WDR83: variants seen among roughly 807,000 people sequenced by gnomAD.
WDR83 encodes the protein WD repeat domain 83, also known as WD repeat domain-containing protein 83.
In WDR83, 37 loss-of-function variants were observed where a neutral mutation model predicts 37.7. The observed-to-expected ratio is 0.98, with a 90% CI of 0.76 to 1.29. The LOEUF is 1.29. Ranked by LOEUF, WDR83 falls within the 50% of genes most tolerant of loss-of-function variation. The pLI, the probability that WDR83 is intolerant of heterozygous loss-of-function variation, is 0.00. For missense variants in WDR83, 445 were observed against 414.4 expected (o/e 1.07, Z -0.64); for synonymous variants, 174 against 181.1 (o/e 0.96, Z 0.31).
chr19:12,674,187 AG>A (rs2024503639), intron 10 of WDR83, among the ~76,000 whole-genome samples: 1 of 152,212 alleles, frequency 6.6e-6, no homozygotes, highest in Non-Finnish European at 1.5e-5. Context: ...CCCCTGGGCA[AG>A]GGGGAGCCGA....
In WDR83 at chr19:12,669,965, G is replaced by C. The variant is rs780562058; in HGVS notation, c.104-12G>C. ...ATCGACGGCCCAGTAACCCCCGCCT[G>C]GTGTTCCCCAGTGGATGGCAATTAC... On this transcript the variant is annotated splice_polypyrimidine_tract_variant and intron_variant, in intron 3 of 10. Transcript: ENST00000418543. 5.7e-5 allele frequency: 92 copies of C among 1,606,492 alleles called. 1 individual carries two copies. Among genetic ancestry groups the C allele is most frequent in the Non-Finnish European group, 1.6e-5 (19 of 1,174,054 alleles).
Position 12,675,636 on chromosome 19 carries a change from A to T in WDR83, c.912A>T (p.Arg304=). 6.2e-7 allele frequency: 1 copy of T among 1,602,288 alleles called. No individual in the cohort carries two copies. The highest frequency in any genetic ancestry group is 1.1e-5 in the South Asian group (1 of 91,014). The part of the protein sequence containing the change: ...TAMGGSVQCW[R]EEAYEAEDGA... ...TGGGAGGCAGCGTCCAGTGCTGGCG[A>T]GAGGAGGCCTATGAGGCAGAGGATG... Residue 304 remains arginine (R), a synonymous_variant, in exon 11 of 11, where the codon CGA becomes CGT. Transcript: ENST00000418543.
intron 1 of WDR83, chr19:12,668,101 T>C: frequency 2.4e-6 from 1 of 416,182 alleles, no homozygotes; most frequent in Non-Finnish European, 4.4e-6. Flanking sequence ...TAACAACAGG[T>C]TTCAACGAGA....
In WDR83 at chr19:12,668,243, C is replaced by T. The variant is rs527275748; in HGVS notation, c.-156-265C>T. ...GTTCCCTCTATCCAGCTGGGGGCAC[C>T]GAGACGGCCTCATTCAGGGAAGTCC... On this transcript the variant is annotated intron_variant, in intron 1 of 10. Transcript: ENST00000418543. 44 of 1,107,378 alleles carry T rather than the reference C, an allele frequency of 4.0e-5. No individual in the cohort carries two copies. The East Asian group carries it at 1.1e-3, about 27-fold the overall frequency. 68.6% of individuals were successfully genotyped at this position (1,107,378 alleles called of 1,614,324 possible).
intron 10 of WDR83, among the ~76,000 whole-genome samples, 168 bp from the exon 11 acceptor site, chr19:12,675,355 G>A (rs548849841): frequency 6.3e-4 from 96 of 152,334 alleles, no homozygotes; most frequent in East Asian, 1.7e-3. Context: ...TCAGTCTGAG[G>A]TAGATTAATT....
At position 12,669,749 on chromosome 19, in the gene WDR83, G is replaced by A. The variant is rs368950634; in HGVS notation, c.-36-6G>A. Reference sequence around the variant, plus strand: ...GGGTTTCTAAGGCGCGGAATTTTCCGTACAGACCGATTTAAGGCTGCAAGG... The same window carrying A: ...GGGTTTCTAAGGCGCGGAATTTTCCATACAGACCGATTTAAGGCTGCAAGG... On this transcript the variant is annotated splice_polypyrimidine_tract_variant and splice_region_variant and intron_variant, in intron 2 of 10. Coordinates refer to ENST00000418543, the MANE Select transcript of WDR83 (RefSeq NM_001099737.3). 9 of 1,542,590 alleles carry A rather than the reference G, an allele frequency of 5.8e-6. No homozygotes were observed. Among genetic ancestry groups the A allele is most frequent in the Non-Finnish European group, 7.0e-6 (8 of 1,144,216 alleles).
intron 10 of WDR83, among the ~76,000 whole-genome samples, chr19:12,674,823 A>G (rs2145331159): frequency 6.6e-6 from 1 of 152,300 alleles, no homozygotes; most frequent in East Asian, 1.9e-4. Context: ...TGGTACAAGA[A>G]AAAGACTCCC....
At chr19:12,669,640 C>A in intron 2 of WDR83, 115 bp from the exon 3 acceptor site, 2 of 974,046 alleles carry the variant, frequency 2.1e-6, no homozygotes, top group South Asian at 3.4e-5. Flanking sequence ...CCAACCCGAT[C>A]ACCGAAATGC....
chr19:12,673,751 T>A (rs913614125), intron 10 of WDR83, among the ~76,000 whole-genome samples: 1 of 151,274 alleles, frequency 6.6e-6, no homozygotes, highest in African/African-American at 2.4e-5. Context: ...CCCAGGCAAA[T>A]GCAGTGGCGC....
At chr19:12,673,929 AC>A (rs1282064561) in intron 10 of WDR83, among the ~76,000 whole-genome samples, 1 of 151,984 alleles carries the variant, frequency 6.6e-6, no homozygotes, top group Non-Finnish European at 1.5e-5. Flanking sequence ...CAAACTCCTG[AC>A]CTCAAGTGAT....
At chr19:12,670,963 G>A (rs2024397736) in intron 7 of WDR83, 142 bp downstream of exon 7, 1 of 1,297,898 alleles carries the variant, frequency 7.7e-7, no homozygotes, top group Admixed American at 2.4e-5. Flanking sequence ...GAAGTGGAAG[G>A]ATCACTTGAG....
At position 12,675,530 on chromosome 19, in the gene WDR83, T is replaced by C. The variant is rs1201261567; in HGVS notation, c.806T>C (p.Leu269Pro). The stretch of plus-strand genomic sequence containing the variant: ...CTACCCCTCGCTCCACAGGGTGCGC[T>C]GGCTCTGGCCCTGCCTGTGGGTTCC... ...VFFWDLVEGA[L>P]ALALPVGSGV... The change falls in exon 11 of 11, where the codon CTG (leucine) becomes CCG (proline). Residue 269 changes from leucine (L) to proline (P), a missense_variant. By Grantham distance (98) the Leu-to-Pro change is moderately conservative (BLOSUM62 -3). Transcript: ENST00000418543. 2.5e-6 allele frequency: 4 copies of C among 1,604,654 alleles called. No homozygotes were observed. Among genetic ancestry groups the C allele is most frequent in the Non-Finnish European group, 3.4e-6 (4 of 1,179,936 alleles).
chr19:12,673,606 CAG>C (rs775002031), intron 10 of WDR83, among the ~76,000 whole-genome samples: 42 of 151,948 alleles, frequency 2.8e-4, no homozygotes, highest in Non-Finnish European at 5.9e-4. Flanking sequence ...TTAGTAGAGA[CAG>C]GGTTTCACTA....
rs776385475 is a variant in WDR83, at chr19:12,670,104, C to T, written c.224+7C>T. 1.9e-6 allele frequency: 3 copies of T among 1,609,472 alleles called. No homozygotes were observed. Among genetic ancestry groups the T allele is most frequent in the Admixed American group, 1.7e-5 (1 of 59,918 alleles). On this transcript the variant is annotated splice_region_variant and intron_variant, in intron 4 of 10. Coordinates refer to ENST00000418543, the MANE Select transcript of WDR83 (RefSeq NM_001099737.3). ...AGGTGCTGGATGCGGCCGGGTGAGCCGGGGACCAGGCTGGGATGGGAGCGC... is the reference window on the plus strand; with the variant it reads ...AGGTGCTGGATGCGGCCGGGTGAGCTGGGGACCAGGCTGGGATGGGAGCGC...
chr19:12,670,734 C>T lies in WDR83; in HGVS notation c.419C>T (p.Ser140Leu), dbSNP rs2024391058. Residue 140 changes from serine (S) to leucine (L), a missense_variant, in exon 7 of 11, where the codon TCA becomes TTA. Physicochemically the swap from Ser to Leu is moderately radical, Grantham distance 145 (BLOSUM62 -2). Transcript: ENST00000418543. Reference sequence around the variant, plus strand: ...AGTATCCGCTGTTGGGATTGCCGCTCACGGAGGCCTGAGCCAGTGCAGACG... The same window carrying T: ...AGTATCCGCTGTTGGGATTGCCGCTTACGGAGGCCTGAGCCAGTGCAGACG... ...DSSIRCWDCR[S>L]RRPEPVQTLD... The T allele has an allele frequency of 1.2e-6, 2 of 1,614,174 alleles. No homozygotes were observed. Among genetic ancestry groups the T allele is most frequent in the Non-Finnish European group, 1.7e-6 (2 of 1,180,030 alleles).
At chr19:12,673,410 C>CTTTTT (rs58676851) in intron 10 of WDR83, 94 bp downstream of exon 10, 9 of 248,010 alleles carry the variant, frequency 3.6e-5, no homozygotes, top group East Asian at 1.1e-4. Context: ...AGGCTAGGAT[C>CTTTTT]TTTTTTTTTT....
chr19:12,667,036 G>A, intron 1 of WDR83, 44 bp downstream of exon 1: 1 of 404,474 alleles, frequency 2.5e-6, no homozygotes, highest in Non-Finnish European at 4.5e-6. Context: ...GGTTTTCCTA[G>A]CCGGTGTAGT....
At chr19:12,670,494 A>C (rs1337029696) in intron 5 of WDR83, 69 bp from the exon 6 acceptor site, 1 of 1,611,788 alleles carries the variant, frequency 6.2e-7, no homozygotes, top group Non-Finnish European at 8.5e-7. Context: ...TTTAACCGAC[A>C]CTGGGAACCC....
At position 12,673,233 on chromosome 19, in the gene WDR83, C is replaced by A; in HGVS notation, c.715C>A (p.Leu239Met). ...GGGCCATAAGAACCAGGAATACAAGCTGGACTGCTGCCTGAGCGAGCGTGA... is the reference window on the plus strand; with the variant it reads ...GGGCCATAAGAACCAGGAATACAAGATGGACTGCTGCCTGAGCGAGCGTGA... Reference protein sequence around the residue: ...YKGHKNQEYKLDCCLSERDTH... With the variant: ...YKGHKNQEYKMDCCLSERDTH... Residue 239 changes from leucine to methionine, a missense_variant, in exon 10 of 11, where the codon CTG (leucine) becomes ATG (methionine). Physicochemically the swap from Leu to Met is conservative, Grantham distance 15. Coordinates refer to ENST00000418543, the MANE Select transcript of WDR83 (RefSeq NM_001099737.3). 6.2e-7 allele frequency: 1 copy of A among 1,614,024 alleles called. No homozygotes were observed.
Sources: gnomAD v4.1 joint callset for allele counts (sites outside exome capture counted in the v4.1 genomes callset) on GRCh38, gnomAD v4.1.1 for gene constraint, MANE v1.5 for transcripts, NCBI Gene and HGNC (gene_info 2026-07-23, HGNC 2026-07-21) for gene names.